The following HSF2BP variants were observed in gnomAD, a reference collection of about 807,000 sequenced individuals.
The protein encoded by HSF2BP is heat shock factor 2-binding protein.
A neutral mutation model predicts 35.0 loss-of-function variants in HSF2BP; 35 were observed. The observed-to-expected ratio is 1.00, with a 90% CI of 0.76 to 1.32. The LOEUF (loss-of-function observed/expected upper bound fraction) is 1.32, where lower values mean the gene tolerates loss of function less well. HSF2BP is among the 40% of genes most tolerant of loss of function. The pLI, the probability that HSF2BP is intolerant of heterozygous loss-of-function variation, is 0.00. For missense variants in HSF2BP, 326 were observed against 321.7 expected, an observed-to-expected ratio of 1.01 and a Z score of -0.10; for synonymous variants, 114 against 117.4, an observed-to-expected ratio of 0.97 and a Z score of 0.18.
intron 6 of HSF2BP, among the ~76,000 whole-genome samples, chr21:43,616,052 A>AAAATATAT (rs57115434): frequency 6.9e-6 from 1 of 143,974 alleles, no homozygotes; most frequent in African/African-American, 2.6e-5. Flanking sequence ...AAAAAAAAAA[A>AAAATATAT]ATATATATAT....
intron 8 of HSF2BP, among the ~76,000 whole-genome samples, chr21:43,577,934 CT>C (rs1352665455): frequency 1.3e-5 from 2 of 151,938 alleles, no homozygotes; most frequent in Non-Finnish European, 2.9e-5. Flanking sequence ...TGAGAATGTA[CT>C]TTGTGAGATC....
At chr21:43,599,793 C>CA (rs926622917) in intron 7 of HSF2BP, among the ~76,000 whole-genome samples, 8 of 95,782 alleles carry the variant, frequency 8.4e-5, no homozygotes, top group African/African-American at 1.2e-4. Context: ...GACTCGGTCT[C>CA]AAAAAAAAAA....
intron 8 of HSF2BP, among the ~76,000 whole-genome samples, chr21:43,589,503 C>T (rs957292737): frequency 5.9e-5 from 9 of 152,084 alleles, no homozygotes; most frequent in Non-Finnish European, 1.2e-4. Flanking sequence ...TAGCAAGTGA[C>T]GAGCTGATTT....
chr21:43,658,280 C>G lies in HSF2BP; in HGVS notation c.-184G>C, dbSNP rs2082909034. On this transcript the variant is annotated 5_prime_UTR_variant, in exon 2 of 9. Coordinates refer to ENST00000291560, the MANE Select transcript of HSF2BP (RefSeq NM_007031.2). ...GAGGAGTGGCCTTGGCGAGGTCCCT[C>G]TTTGGCTCTTCTGGCTTAGCCGGGG... 1.5e-6 allele frequency: 1 copy of G among 649,282 alleles called. No individual in the cohort carries two copies. The highest frequency in any genetic ancestry group is 2.5e-6 in the Non-Finnish European group (1 of 396,272). The allele number at this position is 649,282 out of a possible 1,614,324, so 40.2% of individuals were successfully genotyped here.
intron 8 of HSF2BP, among the ~76,000 whole-genome samples, chr21:43,576,472 T>C (rs1011020138): frequency 2.0e-5 from 3 of 152,168 alleles, no homozygotes; most frequent in African/African-American, 4.8e-5. Flanking sequence ...AGCTGTCACA[T>C]AGTAAATGCA....
chr21:43,500,152 CCA>C, the HSF2BP span, among the ~76,000 whole-genome samples: 1 of 23,018 alleles, frequency 4.3e-5, no homozygotes, highest in East Asian at 7.9e-4. Context: ...TACCCTCACA[CCA>C]CACACGCGCA....
At chr21:43,582,440 A>G (rs1472558590) in intron 8 of HSF2BP, among the ~76,000 whole-genome samples, 4 of 111,118 alleles carry the variant, frequency 3.6e-5, no homozygotes, top group Non-Finnish European at 5.5e-5. Context: ...GGAGATGAGT[A>G]CCTGTTGAGG....
At chr21:43,582,371 G>C (rs1348079197) in intron 8 of HSF2BP, among the ~76,000 whole-genome samples, 1 of 149,330 alleles carries the variant, frequency 6.7e-6, no homozygotes, top group Non-Finnish European at 1.5e-5. Flanking sequence ...CCTGCTGTGG[G>C]GGATGAGGGC....
chr21:43,648,566 C>T (rs1306800270), intron 3 of HSF2BP, among the ~76,000 whole-genome samples: 2 of 151,956 alleles, frequency 1.3e-5, no homozygotes, highest in Non-Finnish European at 2.9e-5. Flanking sequence ...ACTCCGTTTA[C>T]TCCTTTTGTT....
At chr21:43,653,194 G>A (rs564179927) in intron 3 of HSF2BP, among the ~76,000 whole-genome samples, 6 of 16,710 alleles carry the variant, frequency 3.6e-4, no homozygotes, top group South Asian at 4.0e-3. Flanking sequence ...GGGAAAGGAA[G>A]GGAAGGGGAA....
At chr21:43,602,663 T>C (rs745832234) in intron 7 of HSF2BP, among the ~76,000 whole-genome samples, 4 of 152,216 alleles carry the variant, frequency 2.6e-5, no homozygotes, top group African/African-American at 4.8e-5. Context: ...GAGAAAACCT[T>C]GCTGAGCCAC....
intron 7 of HSF2BP, among the ~76,000 whole-genome samples, chr21:43,596,904 A>G (rs73223088): frequency 0.04 from 5,389 of 135,944 alleles, 470 homozygotes; most frequent in African/African-American, 0.14. Context: ...AAAAAAAAAA[A>G]AGAGAATTTT....
intron 3 of HSF2BP, among the ~76,000 whole-genome samples, chr21:43,654,629 G>A (rs769995742): frequency 2.6e-5 from 4 of 152,064 alleles, no homozygotes; most frequent in African/African-American, 9.7e-5. Context: ...TGTTCCTGGC[G>A]ACCTTAGACT....
At chr21:43,585,237 G>C (rs974202453) in intron 8 of HSF2BP, among the ~76,000 whole-genome samples, 2 of 152,124 alleles carry the variant, frequency 1.3e-5, no homozygotes, top group Non-Finnish European at 2.9e-5. Flanking sequence ...CATGAGCCCA[G>C]GAATTCGATT....
chr21:43,615,329 A>C (rs1196330164), intron 6 of HSF2BP, among the ~76,000 whole-genome samples: 1 of 152,238 alleles, frequency 6.6e-6, no homozygotes, highest in African/African-American at 2.4e-5. Context: ...CAGTTTAAAG[A>C]AGTCTTCTTC....
intron 3 of HSF2BP, among the ~76,000 whole-genome samples, chr21:43,645,436 T>A (rs576640935): frequency 6.6e-6 from 1 of 152,056 alleles, no homozygotes; most frequent in African/African-American, 2.4e-5. Context: ...TCATCACCAA[T>A]AAAATAAAAT....
At chr21:43,655,616 C>T (rs2082856775) in intron 3 of HSF2BP, among the ~76,000 whole-genome samples, 1 of 152,136 alleles carries the variant, frequency 6.6e-6, no homozygotes. Flanking sequence ...GGAAGAAACA[C>T]CCCAACCTCT....
At chr21:43,653,389 T>C (rs934382095) in intron 3 of HSF2BP, among the ~76,000 whole-genome samples, 2 of 151,868 alleles carry the variant, frequency 1.3e-5, no homozygotes, top group East Asian at 1.9e-4. Flanking sequence ...GCCGAGATAA[T>C]GACAGATAAA....
At chr21:43,645,704 A>T (rs1324723381) in intron 3 of HSF2BP, among the ~76,000 whole-genome samples, 2 of 152,156 alleles carry the variant, frequency 1.3e-5, no homozygotes, top group African/African-American at 2.4e-5. Flanking sequence ...GGAAAACGGA[A>T]CATTACTCCA....
Sources: gnomAD v4.1 joint callset for allele counts (sites outside exome capture counted in the v4.1 genomes callset) on GRCh38, gnomAD v4.1.1 for gene constraint, MANE v1.5 for transcripts, NCBI Gene and HGNC (gene_info 2026-07-23, HGNC 2026-07-21) for gene names.